RPAP3: variants seen among roughly 807,000 people sequenced by gnomAD.
RPAP3 encodes RNA polymerase II-associated protein 3.
RPAP3 carries 58 observed loss-of-function variants against 88.8 expected under a neutral mutation model. That is an observed-to-expected ratio of 0.65 (90% CI 0.53 to 0.81). The LOEUF (loss-of-function observed/expected upper bound fraction) is 0.81. RPAP3 is among the 40% of genes least tolerant of loss of function. The pLI is 0.00. For missense variants in RPAP3, 751 were observed against 764.3 expected, an observed-to-expected ratio of 0.98 and a Z score of 0.20; for synonymous variants, 255 against 259.9, an observed-to-expected ratio of 0.98 and a Z score of 0.18.
rs1939683390 is a variant in RPAP3 at position 47,702,859 on chromosome 12, G to C, written c.-6-13C>G. 4 of 1,603,500 alleles carry C rather than the reference G, an allele frequency of 2.5e-6. No individual in the cohort carries two copies. The highest frequency in any genetic ancestry group is 1.3e-5 in the African/African-American group (1 of 74,432). On this transcript the variant is annotated splice_polypyrimidine_tract_variant and intron_variant, in intron 1 of 16. Transcript: ENST00000005386. ...AAGTCATTATGGTCTGCAGAGTTTT[G>C]AACAACCAACCTCTGATAAGAATAG...
In RPAP3 at chr12:47,681,819, T is replaced by C; in HGVS notation, c.993-2A>G. The C allele has an allele frequency of 1.3e-6, 2 of 1,580,952 alleles. No homozygotes were observed. Among genetic ancestry groups the C allele is most frequent in the Non-Finnish European group, 1.7e-6 (2 of 1,169,152 alleles). ...CAGTCTTTTTCAGCTTCTTCATATC[T>C]ATTGAACATGATAAAATTACTGACT... On this transcript the variant is annotated splice_acceptor_variant, in intron 9 of 16. Transcript: ENST00000005386. LOFTEE classifies it high-confidence loss of function.
At chr12:47,671,950 C>T (rs572921753) in intron 12 of RPAP3, among the ~76,000 whole-genome samples, 5 of 150,896 alleles carry the variant, frequency 3.3e-5, no homozygotes, top group Admixed American at 6.6e-5. Flanking sequence ...AATCATGACT[C>T]GGAAGCGTAA....
At chr12:47,698,203 A>G (rs917829809) in intron 3 of RPAP3, among the ~76,000 whole-genome samples, 3 of 152,224 alleles carry the variant, frequency 2.0e-5, no homozygotes, top group Non-Finnish European at 4.4e-5. Context: ...TGAGGAAGGT[A>G]TAATTACCCA....
At chr12:47,700,018 G>C (rs1165822329) in intron 3 of RPAP3, 1 of 131,230 alleles carries the variant, frequency 7.6e-6, no homozygotes, top group Non-Finnish European at 1.6e-5. Context: ...TTTTGAGACA[G>C]AGTCTCCCTC....
At chr12:47,690,394 A>AT in intron 6 of RPAP3, 124 bp downstream of exon 6, 1 of 742,446 alleles carries the variant, frequency 1.3e-6, no homozygotes, top group Non-Finnish European at 2.0e-6. Flanking sequence ...CAGTTGCAAA[A>AT]ATGACCTTTG....
chr12:47,668,857 G>A, intron 14 of RPAP3, 59 bp downstream of exon 14: 1 of 1,304,760 alleles, frequency 7.7e-7, no homozygotes, highest in Non-Finnish European at 1.1e-6. Context: ...TTATTATAAA[G>A]TGACAGAAGT....
rs746148571 is a variant in RPAP3 at position 47,690,605 on chromosome 12, C to G, written c.580G>C (p.Val194Leu). ...AVAESDCNLAVALNRSYTKAY... is the reference protein window; with the variant it reads ...AVAESDCNLALALNRSYTKAY... ...TTTGTATAACTTCTATTCAAGGCAA[C>G]TGCTAAATTACAATCAGACTCAGCA... Residue 194 changes from valine (V) to leucine (L), a missense_variant, in exon 6 of 17, where the codon GTT becomes CTT. Val to Leu is a conservative substitution (Grantham distance 32). Transcript: ENST00000005386. The G allele has an allele frequency of 3.2e-6, 5 of 1,573,638 alleles. No individual in the cohort carries two copies. Among genetic ancestry groups the G allele is most frequent in the Non-Finnish European group, 4.3e-6 (5 of 1,156,236 alleles).
Position 47,689,211 on chromosome 12 carries a change from G to A in RPAP3, c.668-16C>T, listed in dbSNP as rs1182066672. Reference sequence around the variant, plus strand: ...CTTTCATAATCTAAGTAAAAGAGAAGATAAAAAAAATTTTTAAAGATAGGT... The same window carrying A: ...CTTTCATAATCTAAGTAAAAGAGAAAATAAAAAAAATTTTTAAAGATAGGT... On this transcript the variant is annotated splice_polypyrimidine_tract_variant and intron_variant, in intron 6 of 16. Transcript: ENST00000005386. 1 of 1,149,708 alleles carries A rather than the reference G, an allele frequency of 8.7e-7. No individual in the cohort carries two copies. The highest frequency in any genetic ancestry group is 2.6e-5 in the East Asian group (1 of 38,744). 71.2% of individuals were successfully genotyped at this position (1,149,708 alleles called of 1,614,324 possible).
At chr12:47,683,644 A>G (rs1163849690) in intron 9 of RPAP3, among the ~76,000 whole-genome samples, 1 of 152,162 alleles carries the variant, frequency 6.6e-6, no homozygotes, top group East Asian at 1.9e-4. Context: ...TCTCCTGTGC[A>G]CTCCATTTGT....
chr12:47,685,487 C>T (rs559723597), intron 9 of RPAP3, among the ~76,000 whole-genome samples: 2 of 152,152 alleles, frequency 1.3e-5, no homozygotes, highest in African/African-American at 4.8e-5. Flanking sequence ...AAAATTTAAC[C>T]TGTTGCTTAT....
intron 4 of RPAP3, 138 bp downstream of exon 4, chr12:47,697,459 C>G: frequency 1.5e-6 from 1 of 674,168 alleles, no homozygotes; most frequent in South Asian, 2.3e-5. Context: ...TGTTACAATG[C>G]CTCCAGAGAG....
At chr12:47,687,684 A>C (rs1939351595) in intron 8 of RPAP3, among the ~76,000 whole-genome samples, 192 bp downstream of exon 8, 1 of 152,146 alleles carries the variant, frequency 6.6e-6, no homozygotes, top group African/African-American at 2.4e-5. Flanking sequence ...TTATTTTTTT[A>C]ATTTATATAT....
intron 10 of RPAP3, 26 bp downstream of exon 10, chr12:47,681,670 G>C: frequency 6.2e-7 from 1 of 1,607,200 alleles, no homozygotes; most frequent in Non-Finnish European, 8.5e-7. Flanking sequence ...CAGGATGACT[G>C]AGTGCCAGCT....
At chr12:47,689,666 C>A (rs188319882) in intron 6 of RPAP3, among the ~76,000 whole-genome samples, 10 of 152,292 alleles carry the variant, frequency 6.6e-5, no homozygotes, top group Non-Finnish European at 1.2e-4. Flanking sequence ...TCTTCTCCCC[C>A]CAGGGCAGAC....
intron 13 of RPAP3, among the ~76,000 whole-genome samples, chr12:47,669,684 T>C (rs1938956243): frequency 1.3e-5 from 2 of 152,198 alleles, no homozygotes; most frequent in South Asian, 4.1e-4. Flanking sequence ...AAAAAACACA[T>C]AAACTATTTT....
Position 47,679,584 on chromosome 12 carries a change from T to G in RPAP3, c.1196A>C (p.Glu399Ala). Residue 399 changes from glutamate (E) to alanine (A), a missense_variant, in exon 12 of 17, where the codon GAG becomes GCG. Coordinates refer to ENST00000005386, the MANE Select transcript of RPAP3 (RefSeq NM_024604.3). ...ELSKIKKELI[E>A]KGHWDDVFLD... ...AAAGACATCATCCCAGTGTCCTTTC[T>G]CAATTAATTCCTTGAAAATAAATTT... The G allele has an allele frequency of 6.3e-7, 1 of 1,596,678 alleles. No homozygotes were observed. Among genetic ancestry groups the G allele is most frequent in the Non-Finnish European group, 8.6e-7 (1 of 1,169,048 alleles).
At chr12:47,694,865 A>G (rs1006392100) in intron 5 of RPAP3, among the ~76,000 whole-genome samples, 2 of 152,220 alleles carry the variant, frequency 1.3e-5, no homozygotes, top group African/African-American at 4.8e-5. Context: ...TAAGAAGCCC[A>G]ATTATATCAA....
At chr12:47,665,421 G>C (rs931291652) in intron 16 of RPAP3, among the ~76,000 whole-genome samples, 3 of 151,090 alleles carry the variant, frequency 2.0e-5, no homozygotes, top group African/African-American at 7.3e-5. Flanking sequence ...CCGCCTGACA[G>C]TTTGGTATAT....
chr12:47,664,876 A>G (rs568564190), intron 16 of RPAP3: 30 of 152,328 alleles, frequency 2.0e-4, no homozygotes, highest in African/African-American at 7.2e-4. Context: ...AAACATACAC[A>G]TGAACCACTG....
Sources: allele counts gnomAD v4.1 joint callset (sites outside exome capture counted in the v4.1 genomes callset), GRCh38; gene constraint gnomAD v4.1.1; transcripts MANE v1.5; gene names NCBI Gene and HGNC (gene_info 2026-07-23, HGNC 2026-07-21).